Variants in AMMECR1 observed in about 807,000 individuals in gnomAD.
AMMECR1 encodes nuclear protein AMMECR1.
Under a neutral mutation model 22.5 loss-of-function variants are expected in AMMECR1, and 3 were observed. The ratio of observed to expected loss-of-function variants is 0.13; its 90% CI spans 0.06 to 0.35. The LOEUF is 0.35. AMMECR1 is among the 10% of genes least tolerant of loss of function. AMMECR1 has a pLI of 1.00. For synonymous variants in AMMECR1, 130 were observed against 116.7 expected (o/e 1.11, Z -0.74); for missense variants, 235 against 278.7 (o/e 0.84, Z 1.12).
Position 110,282,230 on chromosome X carries a change from T to C in AMMECR1, c.474-17631A>G, listed in dbSNP as rs141787861. Among the ~76,000 whole-genome samples, 833 of 110,747 alleles carry C rather than the reference T, an allele frequency of 7.5e-3. 6 individuals carry two copies. The highest frequency in any genetic ancestry group is 0.026 in the African/African-American group (777 of 30,378). On this transcript the variant is annotated intron_variant, in intron 1 of 5. Coordinates refer to ENST00000262844, the MANE Select transcript of AMMECR1 (RefSeq NM_015365.3). Reference sequence around the variant, plus strand: ...TAAGAAACATTTTGTCTTAGAATTCTAGTAATTTGAGAAATCATGTACCAG... The same window carrying C: ...TAAGAAACATTTTGTCTTAGAATTCCAGTAATTTGAGAAATCATGTACCAG...
At position 110,249,330 on chromosome X, in the gene AMMECR1, T is replaced by C. The variant is rs373444075; in HGVS notation, c.584+15159A>G. On this transcript the variant is annotated intron_variant, in intron 2 of 5. Coordinates refer to ENST00000262844, the MANE Select transcript of AMMECR1 (RefSeq NM_015365.3). ...ACCAGGGAAGGGGGAGTGATATTACTGGAAGGAAGCAGTATCGCACAGTGG... is the reference window on the plus strand; with the variant it reads ...ACCAGGGAAGGGGGAGTGATATTACCGGAAGGAAGCAGTATCGCACAGTGG... Among the ~76,000 whole-genome samples the C allele has an allele frequency of 7.2e-5, 8 of 110,907 alleles. No homozygotes were observed. In the East Asian group the frequency reaches 1.7e-3, roughly 24 times the overall value.
At chrX:110,248,064 C>A (rs1029315893) in intron 2 of AMMECR1, among the ~76,000 whole-genome samples, 1 of 111,657 alleles carries the variant, frequency 9.0e-6, no homozygotes, top group Non-Finnish European at 1.9e-5. Context: ...ATACTGAGAT[C>A]CTCAAATCCC....
At chrX:110,205,505 G>C (rs2067417638) in intron 3 of AMMECR1, among the ~76,000 whole-genome samples, 1 of 111,538 alleles carries the variant, frequency 9.0e-6, no homozygotes, top group Non-Finnish European at 1.9e-5. Context: ...CAGGGAACTG[G>C]GATTCCCCGA....
At chrX:110,432,798 G>A (rs749979562) in intron 1 of AMMECR1, among the ~76,000 whole-genome samples, 2 of 112,771 alleles carry the variant, frequency 1.8e-5, no homozygotes, top group South Asian at 3.6e-4. Context: ...TTCCAAGTGA[G>A]TGAAGTCCCA....
chrX:110,282,871 T>C (rs1373462789), intron 1 of AMMECR1, among the ~76,000 whole-genome samples: 1 of 111,512 alleles, frequency 9.0e-6, no homozygotes, highest in Non-Finnish European at 1.9e-5. Context: ...TCATATGCAT[T>C]TTCTTCTTCT....
chrX:110,390,868 G>A (rs769037466), intron 2 of AMMECR1, among the ~76,000 whole-genome samples: 3 of 111,724 alleles, frequency 2.7e-5, no homozygotes, highest in Non-Finnish European at 5.6e-5. Flanking sequence ...TCTTTCCCAC[G>A]TCTGTTGAAA....
At chrX:110,300,198 CTT>C (rs955263359) in intron 1 of AMMECR1, among the ~76,000 whole-genome samples, 4 of 112,149 alleles carry the variant, frequency 3.6e-5, no homozygotes, top group African/African-American at 9.7e-5. Flanking sequence ...CCTGTGTTCT[CTT>C]GTCTTTTTGA....
chrX:110,226,194 G>C (rs184392391), intron 2 of AMMECR1, among the ~76,000 whole-genome samples: 45 of 111,672 alleles, frequency 4.0e-4, no homozygotes, highest in African/African-American at 1.2e-3. Flanking sequence ...CTGTGAGTAA[G>C]GTACTATACA....
chrX:110,404,920 C>T (rs1177686789), intron 2 of AMMECR1, among the ~76,000 whole-genome samples: 1 of 111,855 alleles, frequency 8.9e-6, no homozygotes, highest in African/African-American at 3.3e-5. Context: ...GTAGCATTTT[C>T]GGAAGCAAAT....
chrX:110,210,614 A>T (rs2067443550), intron 3 of AMMECR1, among the ~76,000 whole-genome samples: 2 of 111,689 alleles, frequency 1.8e-5, no homozygotes, highest in African/African-American at 6.5e-5. Context: ...AAGAACATTA[A>T]CTTCTAAAAT....
At chrX:110,219,591 GTTGT>G (rs1193383696) in intron 2 of AMMECR1, 12 of 749,192 alleles carry the variant, frequency 1.6e-5, no homozygotes, top group Non-Finnish European at 1.9e-5. Flanking sequence ...ATGGAGCCTT[GTTGT>G]TTGTTCACTC....
intron 1 of AMMECR1, among the ~76,000 whole-genome samples, chrX:110,432,336 G>A (rs1236475677): frequency 5.3e-5 from 6 of 112,325 alleles, no homozygotes; most frequent in Non-Finnish European, 1.1e-4. Context: ...ACCCCCTGCC[G>A]GGTTCTTTCT....
chrX:110,259,839 CCTGGGATTA>C (rs1217700554), intron 2 of AMMECR1, among the ~76,000 whole-genome samples: 2 of 110,639 alleles, frequency 1.8e-5, no homozygotes, highest in Admixed American at 1.9e-4. Context: ...GATCCGCTGG[CCTGGGATTA>C]CTGGGATTAC....
chrX:110,404,176 C>T (rs1402760775), intron 2 of AMMECR1, among the ~76,000 whole-genome samples: 4 of 112,297 alleles, frequency 3.6e-5, no homozygotes, highest in Admixed American at 9.4e-5. Context: ...TGGTCAGGCT[C>T]CTTCATTTTT....
chrX:110,428,322 G>A (rs2068769294), intron 1 of AMMECR1, among the ~76,000 whole-genome samples: 1 of 111,895 alleles, frequency 8.9e-6, no homozygotes, highest in Non-Finnish European at 1.9e-5. Context: ...GGCTGCCATA[G>A]TCTGTTTACT....
At chrX:110,393,400 C>T (rs1055348293) in intron 2 of AMMECR1, among the ~76,000 whole-genome samples, 3 of 112,010 alleles carry the variant, frequency 2.7e-5, no homozygotes, top group African/African-American at 9.7e-5. Flanking sequence ...CTCTGATCCT[C>T]ACAACAGCCC....
intron 1 of AMMECR1, among the ~76,000 whole-genome samples, chrX:110,295,895 AAC>A (rs1247844813): frequency 8.9e-6 from 1 of 111,952 alleles, no homozygotes; most frequent in Non-Finnish European, 1.9e-5. Flanking sequence ...TACGCCCATC[AAC>A]AGTTTTATAA....
At chrX:110,427,001 G>GTTGTA (rs1439854034) in intron 1 of AMMECR1, among the ~76,000 whole-genome samples, 1 of 112,263 alleles carries the variant, frequency 8.9e-6, no homozygotes, top group Admixed American at 9.4e-5. Flanking sequence ...AAACCCAAGA[G>GTTGTA]TTGTAGTTCA....
Position 110,317,899 on chromosome X carries a change from C to A in AMMECR1, c.173G>T (p.Gly58Val). Residue 58 changes from glycine to valine, a missense_variant, in exon 1 of 6, where the codon GGT (glycine) becomes GTT (valine). Transcript: ENST00000262844. The part of the protein sequence containing the change: ...GAGTRLNGLG[G>V]LTGGGSGSGC... ...GCTGCCGCTACCTCCTCCGGTTAGA[C>A]CTCCCAGCCCGTTGAGCCGCGTACC... 1 of 1,194,909 alleles carries A rather than the reference C, an allele frequency of 8.4e-7. No homozygotes were observed. The highest frequency in any genetic ancestry group is 1.8e-5 in the South Asian group (1 of 54,292).
Sources: gnomAD v4.1 joint callset for allele counts (sites outside exome capture counted in the v4.1 genomes callset) on GRCh38, gnomAD v4.1.1 for gene constraint, MANE v1.5 for transcripts, NCBI Gene and HGNC (gene_info 2026-07-23, HGNC 2026-07-21) for gene names.